Variants in CSMD1 observed in about 807,000 individuals in gnomAD.
CSMD1 encodes the protein CUB and Sushi multiple domains 1.
In CSMD1, 213 loss-of-function variants were observed where a neutral mutation model predicts 417.5. That is an observed-to-expected ratio of 0.51 (90% confidence interval 0.46 to 0.57). The LOEUF is 0.57. Ranked by LOEUF, CSMD1 falls within the 20% of genes least tolerant of loss-of-function variation. The pLI, the probability that CSMD1 is intolerant of heterozygous loss-of-function variation, is 0.00. For missense variants in CSMD1, 6,923 were observed against 4,529.7 expected, an observed-to-expected ratio of 1.53 and a Z score of -15.17; for synonymous variants, 2,862 against 1,736.8, an observed-to-expected ratio of 1.65 and a Z score of -16.11.
intron 3 of CSMD1, among the ~76,000 whole-genome samples, chr8:4,064,749 G>A (rs916172680): frequency 6.6e-6 from 1 of 152,136 alleles, no homozygotes; most frequent in Non-Finnish European, 1.5e-5. Context: ...AGATCTCTCA[G>A]TACTGCTGTG....
At chr8:3,860,788 G>C (rs1804647698) in intron 5 of CSMD1, among the ~76,000 whole-genome samples, 1 of 152,130 alleles carries the variant, frequency 6.6e-6, no homozygotes, top group Non-Finnish European at 1.5e-5. Flanking sequence ...GTTTTACTCT[G>C]CAACACTTAA....
chr8:3,000,192 T>G, intron 52 of CSMD1, 61 bp from the exon 53 acceptor site: 2 of 1,240,924 alleles, frequency 1.6e-6, no homozygotes, highest in Non-Finnish European at 2.2e-6. Flanking sequence ...AGTAGTACAT[T>G]CACAACTTTT....
intron 4 of CSMD1, among the ~76,000 whole-genome samples, chr8:4,015,072 G>A (rs1246674235): frequency 6.6e-6 from 1 of 152,122 alleles, no homozygotes; most frequent in Non-Finnish European, 1.5e-5. Flanking sequence ...GATTTACACT[G>A]GAATTGTTTA....
chr8:4,237,156 T>C (rs1333393934), intron 3 of CSMD1, among the ~76,000 whole-genome samples: 2 of 152,198 alleles, frequency 1.3e-5, no homozygotes, highest in Admixed American at 6.5e-5. Context: ...TCTTACTGAT[T>C]GAAACTCATC....
chr8:3,585,451 C>T (rs1800560232), intron 9 of CSMD1, among the ~76,000 whole-genome samples: 1 of 152,098 alleles, frequency 6.6e-6, no homozygotes, highest in Non-Finnish European at 1.5e-5. Context: ...CCTCCAAACC[C>T]AGCATTTCTT....
chr8:3,371,344 C>A (rs1228104635), intron 18 of CSMD1, among the ~76,000 whole-genome samples: 3 of 152,022 alleles, frequency 2.0e-5, no homozygotes, highest in Non-Finnish European at 4.4e-5. Flanking sequence ...TAAAATGGGG[C>A]AAAAATCACA....
At chr8:4,191,634 T>C (rs1046462944) in intron 3 of CSMD1, among the ~76,000 whole-genome samples, 9 of 151,834 alleles carry the variant, frequency 5.9e-5, no homozygotes, top group East Asian at 5.8e-4. Context: ...ACAAGATACA[T>C]TGAAAGAAAA....
intron 5 of CSMD1, among the ~76,000 whole-genome samples, chr8:3,957,066 A>C (rs1041728774): frequency 3.3e-5 from 5 of 152,084 alleles, no homozygotes; most frequent in Non-Finnish European, 5.9e-5. Context: ...GGAGACAAAA[A>C]CGCCGGGGGA....
At chr8:4,046,322 G>T (rs930701056) in intron 3 of CSMD1, among the ~76,000 whole-genome samples, 1 of 152,012 alleles carries the variant, frequency 6.6e-6, no homozygotes, top group African/African-American at 2.4e-5. Context: ...TGTCCTGGAA[G>T]TTAGCTTCTA....
intron 6 of CSMD1, among the ~76,000 whole-genome samples, chr8:3,711,905 A>G (rs1374275300): frequency 3.3e-5 from 5 of 152,204 alleles, no homozygotes; most frequent in Non-Finnish European, 5.9e-5. Flanking sequence ...TAAGACAAAC[A>G]GAGATCTGTT....
intron 26 of CSMD1, among the ~76,000 whole-genome samples, chr8:3,255,906 T>C (rs1302379424): frequency 1.3e-5 from 2 of 152,198 alleles, no homozygotes; most frequent in East Asian, 1.9e-4. Flanking sequence ...GCCAGTGAGA[T>C]GAACCTGGTA....
At chr8:3,833,629 G>C (rs1021781524) in intron 5 of CSMD1, among the ~76,000 whole-genome samples, 1 of 151,978 alleles carries the variant, frequency 6.6e-6, no homozygotes, top group Admixed American at 6.6e-5. Context: ...ACACATGGAA[G>C]TGTCTCTCAC....
At chr8:4,638,264 A>G (rs1277490004) in intron 1 of CSMD1, among the ~76,000 whole-genome samples, 3 of 152,106 alleles carry the variant, frequency 2.0e-5, no homozygotes, top group Non-Finnish European at 4.4e-5. Context: ...AGAAGAATAA[A>G]CATTATAAAA....
chr8:4,769,875 ACAT>A (rs1262226162), intron 1 of CSMD1, among the ~76,000 whole-genome samples: 1 of 152,182 alleles, frequency 6.6e-6, no homozygotes, highest in Non-Finnish European at 1.5e-5. Flanking sequence ...CCCACCACTA[ACAT>A]CATTTTTTCC....
chr8:3,742,035 T>C (rs1218475779), intron 6 of CSMD1, among the ~76,000 whole-genome samples: 1 of 151,926 alleles, frequency 6.6e-6, no homozygotes, highest in Non-Finnish European at 1.5e-5. Flanking sequence ...TCTCTCCTTT[T>C]CTTCCCAGCT....
rs1319839609 is a variant in CSMD1, at chr8:4,490,205, T to A, written c.303-70140A>T. Among the ~76,000 whole-genome samples, 3 of 152,178 alleles carry A rather than the reference T, an allele frequency of 2.0e-5. No homozygotes were observed. The South Asian group carries it at 6.2e-4, about 32-fold the overall frequency. ...ACAGGTGCCCGCCACTGCAGCCAGC[T>A]AATTTTGTGTATTCTTAGTAGAGAC... is the stretch of plus-strand genomic sequence containing the variant. On this transcript the variant is annotated intron_variant, in intron 2 of 69. Coordinates refer to ENST00000635120, the MANE Select transcript of CSMD1 (RefSeq NM_033225.6).
intron 6 of CSMD1, among the ~76,000 whole-genome samples, chr8:3,716,350 A>G (rs1017432679): frequency 6.6e-6 from 1 of 152,102 alleles, no homozygotes; most frequent in African/African-American, 2.4e-5. Context: ...AAGAAGGGCT[A>G]CTCCATAGAC....
At chr8:4,598,558 A>G (rs1800404522) in intron 2 of CSMD1, among the ~76,000 whole-genome samples, 2 of 151,656 alleles carry the variant, frequency 1.3e-5, no homozygotes, top group African/African-American at 2.4e-5. Context: ...TGCAAGGAAA[A>G]CTCCACATTG....
At position 4,624,673 on chromosome 8, in the gene CSMD1, A is replaced by G. The variant is rs531996492; in HGVS notation, c.302+12669T>C. On this transcript the variant is annotated intron_variant, in intron 2 of 69. Coordinates refer to ENST00000635120, the MANE Select transcript of CSMD1 (RefSeq NM_033225.6). ...GCCCAGCAGCAGCTGCTCTGTTTAC[A>G]CGGGATATAATTCTCAAGCTCACAA... 3.9e-5 allele frequency among the ~76,000 whole-genome samples: 6 copies of G among 152,210 alleles called. 1 individual carries two copies. In the South Asian group the frequency reaches 1.2e-3, roughly 32 times the overall value.
Sources: gnomAD v4.1 joint callset for allele counts (sites outside exome capture counted in the v4.1 genomes callset) on GRCh38, gnomAD v4.1.1 for gene constraint, MANE v1.5 for transcripts, NCBI Gene and HGNC (gene_info 2026-07-23, HGNC 2026-07-21) for gene names.